ASAP1: variants seen among roughly 807,000 people sequenced by gnomAD.
ASAP1 encodes the protein ArfGAP with SH3 domain, ankyrin repeat and PH domain 1.
ASAP1 carries 43 observed loss-of-function variants against 145.2 expected under a neutral mutation model. The ratio of observed to expected loss-of-function variants is 0.30; its 90% confidence interval spans 0.23 to 0.38. The LOEUF is 0.38. Ranked by LOEUF, ASAP1 falls within the 10% of genes least tolerant of loss-of-function variation. The pLI is 1.00. For synonymous variants in ASAP1, 546 were observed against 515.5 expected, an observed-to-expected ratio of 1.06 and a Z score of -0.80; for missense variants, 1,018 against 1,355.3, an observed-to-expected ratio of 0.75 and a Z score of 3.91.
intron 5 of ASAP1, among the ~76,000 whole-genome samples, chr8:130,213,300 C>T (rs1463854695): frequency 5.9e-5 from 9 of 151,766 alleles, no homozygotes; most frequent in Non-Finnish European, 1.3e-4. Context: ...AATTCAATGG[C>T]ATACATCGCC....
At chr8:130,256,765 ATATATATATATATATATCCT>A (rs1176863952) in intron 3 of ASAP1, among the ~76,000 whole-genome samples, 10 of 127,340 alleles carry the variant, frequency 7.9e-5, no homozygotes, top group Non-Finnish European at 1.4e-4. Context: ...ATATATATAT[ATATATATATATATATATCCT>A]TATATATATA....
chr8:130,388,857 G>GTA (rs1828143892), intron 2 of ASAP1, among the ~76,000 whole-genome samples: 1 of 152,196 alleles, frequency 6.6e-6, no homozygotes, highest in Non-Finnish European at 1.5e-5. Flanking sequence ...GGATAATATA[G>GTA]TAGCACACGG....
At chr8:130,349,571 GAAGT>G (rs1018957959) in intron 3 of ASAP1, among the ~76,000 whole-genome samples, 2 of 152,196 alleles carry the variant, frequency 1.3e-5, no homozygotes, top group African/African-American at 2.4e-5. Flanking sequence ...ACACACGCTA[GAAGT>G]AATAGGGATA....
At chr8:130,220,606 G>A (rs1817233525) in intron 4 of ASAP1, among the ~76,000 whole-genome samples, 2 of 152,212 alleles carry the variant, frequency 1.3e-5, no homozygotes, top group Admixed American at 1.3e-4. Flanking sequence ...GGAGGCTGAG[G>A]TGGGCAGATG....
At chr8:130,315,884 A>G (rs1823635712) in intron 3 of ASAP1, among the ~76,000 whole-genome samples, 1 of 152,158 alleles carries the variant, frequency 6.6e-6, no homozygotes, top group South Asian at 2.1e-4. Flanking sequence ...TTGGTAATAC[A>G]GCTACTAGCC....
At chr8:130,261,864 A>G (rs1819920818) in intron 3 of ASAP1, among the ~76,000 whole-genome samples, 1 of 152,160 alleles carries the variant, frequency 6.6e-6, no homozygotes, top group African/African-American at 2.4e-5. Context: ...TCTTAGTTCT[A>G]TGACTACTGA....
At chr8:130,111,607 A>T (rs1390157603) in intron 24 of ASAP1, among the ~76,000 whole-genome samples, 1 of 152,224 alleles carries the variant, frequency 6.6e-6, no homozygotes, top group Non-Finnish European at 1.5e-5. Context: ...GTGCTCCATA[A>T]CTATTAACTA....
chr8:130,352,760 T>C (rs1826075453), intron 3 of ASAP1, among the ~76,000 whole-genome samples: 2 of 152,214 alleles, frequency 1.3e-5, no homozygotes, highest in Non-Finnish European at 1.5e-5. Flanking sequence ...ATAGTATGTA[T>C]AGGGTTTGCA....
At chr8:130,423,955 T>C (rs1829819253) in intron 1 of ASAP1, among the ~76,000 whole-genome samples, 1 of 152,176 alleles carries the variant, frequency 6.6e-6, no homozygotes, top group South Asian at 2.1e-4. Context: ...GGAGTTTTTT[T>C]TGAAGGGCGG....
At chr8:130,154,802 G>A (rs12546206) in intron 12 of ASAP1, among the ~76,000 whole-genome samples, 73,769 of 152,002 alleles carry the variant, frequency 0.49, 19,208 homozygotes, top group African/African-American at 0.66. Flanking sequence ...ACTGTATTCA[G>A]AATGCTAGCC....
At chr8:130,191,460 T>A (rs1054331265) in intron 5 of ASAP1, among the ~76,000 whole-genome samples, 1 of 152,228 alleles carries the variant, frequency 6.6e-6, no homozygotes, top group Non-Finnish European at 1.5e-5. Context: ...ATCTACTCTG[T>A]GCCACACACT....
At chr8:130,432,138 G>C (rs1167408207) in intron 1 of ASAP1, among the ~76,000 whole-genome samples, 1 of 132,568 alleles carries the variant, frequency 7.5e-6, no homozygotes, top group East Asian at 2.5e-4. Context: ...GGAGGAAGAT[G>C]GGGGAACAGA....
chr8:130,139,826 G>C (rs955180208), intron 13 of ASAP1, among the ~76,000 whole-genome samples: 1 of 150,836 alleles, frequency 6.6e-6, no homozygotes, highest in African/African-American at 2.4e-5. Context: ...TGTGACAGAA[G>C]GTTAACTTTA....
rs73427318 is a variant in ASAP1, at chr8:130,213,414, A to G, written c.405+1142T>C. On this transcript the variant is annotated intron_variant, in intron 5 of 29. Transcript: ENST00000518721. ...CCAAATAGGTTAATGGAGTGTAGAA[A>G]GGTAGTTTTCATTTTTCAAATAGGT... Among the ~76,000 whole-genome samples, 1,061 of 152,332 alleles carry G rather than the reference A, an allele frequency of 7.0e-3. 11 individuals carry two copies. The highest frequency in any genetic ancestry group is 0.025 in the African/African-American group (1,025 of 41,568).
At chr8:130,071,011 G>GGAGAGAGAGAGAGAGAGAGAGA (rs1230151527) in intron 27 of ASAP1, among the ~76,000 whole-genome samples, 3 of 11,436 alleles carry the variant, frequency 2.6e-4, no homozygotes. Context: ...GGGGAGGGGG[G>GGAGAGAGAGAGAGAGAGAGAGA]GAGAGAGAGA....
chr8:130,305,065 C>T (rs776771276), intron 3 of ASAP1, among the ~76,000 whole-genome samples: 15 of 152,114 alleles, frequency 9.9e-5, no homozygotes, highest in Non-Finnish European at 1.6e-4. Flanking sequence ...ACCTGAGGAC[C>T]TTCGTGCTGT....
intron 22 of ASAP1, 35 bp from the exon 23 acceptor site, chr8:130,115,770 TA>T: frequency 6.9e-7 from 1 of 1,453,090 alleles, no homozygotes; most frequent in Non-Finnish European, 9.6e-7. Context: ...CATTTTAATT[TA>T]AATGCTGAAA....
At chr8:130,318,251 T>C (rs1214166933) in intron 3 of ASAP1, among the ~76,000 whole-genome samples, 1 of 152,030 alleles carries the variant, frequency 6.6e-6, no homozygotes, top group African/African-American at 2.4e-5. Context: ...CCAGCTCATT[T>C]TTTATTCTTT....
At chr8:130,204,166 T>TGTTAGATCAAGGGCAG (rs1816052681) in intron 5 of ASAP1, among the ~76,000 whole-genome samples, 1 of 152,134 alleles carries the variant, frequency 6.6e-6, no homozygotes, top group Non-Finnish European at 1.5e-5. Flanking sequence ...CATCAGACTC[T>TGTTAGATCAAGGGCAG]CATAGGAGAC....
Sources: gnomAD v4.1 joint callset for allele counts (sites outside exome capture counted in the v4.1 genomes callset) on GRCh38, gnomAD v4.1.1 for gene constraint, MANE v1.5 for transcripts, NCBI Gene and HGNC (gene_info 2026-07-23, HGNC 2026-07-21) for gene names.